The following PTPRN2 variants were observed in gnomAD, a reference collection of about 807,000 sequenced individuals.
PTPRN2 encodes the protein protein tyrosine phosphatase receptor type N2.
PTPRN2 carries 74 observed loss-of-function variants against 118.8 expected under a neutral mutation model. That is an observed-to-expected ratio of 0.62 (90% CI 0.52 to 0.76). The LOEUF (loss-of-function observed/expected upper bound fraction) is 0.76, where lower values mean the gene tolerates loss of function less well. PTPRN2 is among the 30% of genes least tolerant of loss of function. The probability of loss-of-function intolerance (pLI) is 0.00; values close to 1 mark genes in which losing one functional copy is unlikely to be tolerated. For missense variants in PTPRN2, 1,481 were observed against 1,394.4 expected, an observed-to-expected ratio of 1.06 and a Z score of -0.99; for synonymous variants, 641 against 608.0, an observed-to-expected ratio of 1.05 and a Z score of -0.80.
intron 3 of PTPRN2, among the ~76,000 whole-genome samples, chr7:158,268,692 T>G (rs1586055128): frequency 1.0e-5 from 1 of 99,236 alleles, no homozygotes; most frequent in Non-Finnish European, 1.9e-5. Context: ...ACAGAGAGGG[T>G]GTGAAATATC....
chr7:158,488,395 G>A (rs962729853), intron 2 of PTPRN2, among the ~76,000 whole-genome samples: 1 of 152,128 alleles, frequency 6.6e-6, no homozygotes, highest in Non-Finnish European at 1.5e-5. Context: ...AGAAGCTGCC[G>A]CCGCTGAGGA....
intron 9 of PTPRN2, among the ~76,000 whole-genome samples, chr7:158,131,035 TACAC>T (rs201240725): frequency 8.3e-6 from 1 of 120,044 alleles, no homozygotes; most frequent in South Asian, 2.7e-4. Flanking sequence ...CACACACTTA[TACAC>T]ACACGTACAT....
intron 2 of PTPRN2, among the ~76,000 whole-genome samples, chr7:158,320,707 T>A (rs1283898063): frequency 6.6e-6 from 1 of 152,202 alleles, no homozygotes; most frequent in East Asian, 1.9e-4. Flanking sequence ...TTCATCCTTA[T>A]CTCCGTATTT....
At chr7:158,454,520 C>T (rs1166048544) in intron 2 of PTPRN2, among the ~76,000 whole-genome samples, 81 of 142,756 alleles carry the variant, frequency 5.7e-4, no homozygotes, top group African/African-American at 1.9e-3. Context: ...GGATTGGGGA[C>T]AGTTGTTATG....
intron 12 of PTPRN2, among the ~76,000 whole-genome samples, chr7:157,724,083 G>A (rs1240026987): frequency 7.0e-6 from 1 of 141,880 alleles, no homozygotes; most frequent in East Asian, 2.1e-4. Flanking sequence ...CCCGTCTGAA[G>A]TGTGCTGGTG....
intron 12 of PTPRN2, among the ~76,000 whole-genome samples, chr7:157,880,074 C>G (rs184972432): frequency 1.6e-4 from 25 of 152,246 alleles, no homozygotes; most frequent in African/African-American, 5.8e-4. Context: ...TGACAGCTTC[C>G]GCTTATTCAT....
chr7:157,776,510 C>T (rs111161533), intron 12 of PTPRN2, among the ~76,000 whole-genome samples: 90 of 79,032 alleles, frequency 1.1e-3, no homozygotes, highest in Non-Finnish European at 1.2e-3. Context: ...TCTCCTCCTC[C>T]CTCTCCTTCT....
chr7:158,049,779 T>C (rs1039765189), intron 11 of PTPRN2, among the ~76,000 whole-genome samples: 1 of 152,112 alleles, frequency 6.6e-6, no homozygotes, highest in African/African-American at 2.4e-5. Flanking sequence ...GGCGGGCACC[T>C]ATAATCCCAG....
At chr7:158,302,510 G>T (rs1368954414) in intron 3 of PTPRN2, among the ~76,000 whole-genome samples, 2 of 152,214 alleles carry the variant, frequency 1.3e-5, no homozygotes, top group African/African-American at 2.4e-5. Flanking sequence ...CTGTACGGGG[G>T]TTACCCCAGA....
chr7:158,279,017 C>T (rs1169015516), intron 3 of PTPRN2, among the ~76,000 whole-genome samples: 2 of 152,172 alleles, frequency 1.3e-5, no homozygotes, highest in South Asian at 2.1e-4. Flanking sequence ...AGCTCACAGA[C>T]GTAGTGAGGA....
intron 15 of PTPRN2, among the ~76,000 whole-genome samples, chr7:157,613,688 C>T (rs538145818): frequency 6.6e-6 from 1 of 152,238 alleles, no homozygotes; most frequent in South Asian, 2.1e-4. Context: ...TCTCCCGACA[C>T]CGGCCTGCCT....
rs1025079133 is a variant in PTPRN2, at chr7:157,676,119, G to C, written c.2001+6606C>G. Among the ~76,000 whole-genome samples, 1 of 151,978 alleles carries C rather than the reference G, an allele frequency of 6.6e-6. No homozygotes were observed. Among genetic ancestry groups the C allele is most frequent in the Non-Finnish European group, 1.5e-5 (1 of 67,976 alleles). ...CTCAAAGAGCTGACCTCTCTGGGCC[G>C]GCACACAACTTGCAGCCGAGTCCTT... On this transcript the variant is annotated intron_variant, in intron 13 of 22. Transcript: ENST00000389418. This position sits in a 1 kb window ranked among gnomAD's most constrained non-coding sequence, Gnocchi z 5.6.
At chr7:158,194,185 C>T (rs149463355) in intron 4 of PTPRN2, among the ~76,000 whole-genome samples, 6 of 152,228 alleles carry the variant, frequency 3.9e-5, no homozygotes, top group Non-Finnish European at 8.8e-5. Flanking sequence ...TGCGTGTGTG[C>T]GTTTGTCTGT....
chr7:158,235,847 C>A (rs1480778755), intron 3 of PTPRN2, among the ~76,000 whole-genome samples: 1 of 152,134 alleles, frequency 6.6e-6, no homozygotes, highest in East Asian at 1.9e-4. Flanking sequence ...CACATGTACC[C>A]TGAAAATATG....
At chr7:158,453,141 A>G (rs1670376) in intron 2 of PTPRN2, among the ~76,000 whole-genome samples, 406 of 31,698 alleles carry the variant, frequency 0.013, no homozygotes, top group Middle Eastern at 0.022. Context: ...CAGCCTGGAC[A>G]TAGGGGAATT....
At chr7:157,631,284 C>G (rs1030214633) in intron 14 of PTPRN2, among the ~76,000 whole-genome samples, 1 of 152,114 alleles carries the variant, frequency 6.6e-6, no homozygotes, top group Admixed American at 6.5e-5. Context: ...GTATGCAGTT[C>G]GGGTGGAGAA....
chr7:158,002,168 C>T (rs994488046), intron 11 of PTPRN2, among the ~76,000 whole-genome samples: 2 of 152,192 alleles, frequency 1.3e-5, no homozygotes, highest in Non-Finnish European at 2.9e-5. Flanking sequence ...AGGTGCAAAG[C>T]GGGGGCTTGA....
At chr7:157,826,782 G>A (rs911228260) in intron 12 of PTPRN2, among the ~76,000 whole-genome samples, 4 of 152,120 alleles carry the variant, frequency 2.6e-5, no homozygotes, top group African/African-American at 9.7e-5. Flanking sequence ...TGGCATCCCA[G>A]AGGGTGGGCA....
chr7:158,075,702 AG>A (rs1284867586), intron 11 of PTPRN2, among the ~76,000 whole-genome samples: 7 of 152,128 alleles, frequency 4.6e-5, no homozygotes, highest in African/African-American at 1.7e-4. Flanking sequence ...GCAGGAGGAG[AG>A]CGTGGTGCTT....
Sources: gnomAD v4.1 joint callset for allele counts (sites outside exome capture counted in the v4.1 genomes callset) on GRCh38, gnomAD v4.1.1 for gene constraint, Gnocchi (gnomAD v3.1) non-coding constraint, MANE v1.5 for transcripts, NCBI Gene and HGNC (gene_info 2026-07-23, HGNC 2026-07-21) for gene names.